NFXL1: variants seen among roughly 807,000 people sequenced by gnomAD.
The protein encoded by NFXL1 is nuclear transcription factor, X-box binding like 1, also known as NF-X1-type zinc finger protein NFXL1.
A neutral mutation model predicts 123.3 loss-of-function variants in NFXL1; 66 were observed. The ratio of observed to expected loss-of-function variants is 0.54; its 90% CI spans 0.44 to 0.66. The LOEUF (loss-of-function observed/expected upper bound fraction) is 0.66. Among genes scored for constraint, NFXL1 ranks in the 30% least tolerant of loss-of-function variants. The pLI, the probability that NFXL1 is intolerant of heterozygous loss-of-function variation, is 0.00. For missense variants in NFXL1, 944 were observed against 1,125.6 expected (o/e 0.84, Z 2.31); for synonymous variants, 346 against 360.8 (o/e 0.96, Z 0.46).
intron 18 of NFXL1, among the ~76,000 whole-genome samples, chr4:47,868,491 A>T (rs2110055172): frequency 6.6e-6 from 1 of 152,136 alleles, no homozygotes; most frequent in South Asian, 2.1e-4. Flanking sequence ...TTAAATGAGA[A>T]CCAGGTGATA....
intron 21 of NFXL1, 119 bp downstream of exon 21, chr4:47,851,737 G>T: frequency 1.6e-6 from 1 of 633,828 alleles, no homozygotes; most frequent in South Asian, 2.1e-5. Context: ...TATAAAACTA[G>T]GCTTTTATTA....
chr4:47,864,244 A>G (rs923706435), intron 18 of NFXL1, among the ~76,000 whole-genome samples: 2 of 152,124 alleles, frequency 1.3e-5, no homozygotes, highest in African/African-American at 4.8e-5. Flanking sequence ...TTACATCCAA[A>G]TTCTACAGAA....
At chr4:47,850,935 A>G in intron 22 of NFXL1, 160 bp downstream of exon 22, 1 of 577,842 alleles carries the variant, frequency 1.7e-6, no homozygotes, top group Admixed American at 3.1e-5. Flanking sequence ...GTATACTTAA[A>G]GTCAAGTTAG....
At chr4:47,905,057 T>G (rs1737502696) in intron 4 of NFXL1, among the ~76,000 whole-genome samples, 180 bp downstream of exon 4, 1 of 152,232 alleles carries the variant, frequency 6.6e-6, no homozygotes, top group Admixed American at 6.5e-5. Flanking sequence ...TGGATACTCA[T>G]TTAGTGGTAA....
chr4:47,890,929 T>C (rs976893221), intron 11 of NFXL1, among the ~76,000 whole-genome samples: 4 of 152,282 alleles, frequency 2.6e-5, no homozygotes, highest in African/African-American at 9.6e-5. Flanking sequence ...CAGTTAATTA[T>C]TCTATGATTC....
rs745663518 is a variant in NFXL1, at chr4:47,914,216, GA to G, written c.-2-12del. The G allele has an allele frequency of 0.18, 181,014 of 1,009,970 alleles. 126 individuals are homozygous for G. Among genetic ancestry groups the G allele is most frequent in the South Asian group, 0.22 (10,830 of 50,164 alleles). 62.6% of individuals were successfully genotyped at this position (1,009,970 alleles called of 1,614,324 possible). A position where few individuals can be genotyped will look rare whatever the true frequency, so the allele number is the denominator to read the frequency against. ...AGGAAGCTTCCATCCCTGCAAAGGA[GA>G]AAAAAAAAAAAAAGAGTGGAAGGAG... On this transcript the variant is annotated splice_polypyrimidine_tract_variant and intron_variant, in intron 1 of 22. Transcript: ENST00000507489.
chr4:47,887,797 A>C (rs544670904), intron 12 of NFXL1, among the ~76,000 whole-genome samples: 1 of 152,186 alleles, frequency 6.6e-6, no homozygotes, highest in Non-Finnish European at 1.5e-5. Context: ...CAATTTCTCT[A>C]AACAGTCTCC....
intron 20 of NFXL1, among the ~76,000 whole-genome samples, chr4:47,853,644 C>T (rs1387492609): frequency 6.6e-6 from 1 of 151,920 alleles, no homozygotes; most frequent in Non-Finnish European, 1.5e-5. Context: ...GTATTTTACA[C>T]AGGAAAAAAA....
chr4:47,875,395 T>A (rs1207861309), intron 17 of NFXL1, 102 bp from the exon 18 acceptor site: 2 of 757,824 alleles, frequency 2.6e-6, no homozygotes, highest in African/African-American at 3.5e-5. Context: ...AATAAAGTAC[T>A]TCTGCAGTTC....
At chr4:47,912,856 A>AG in intron 2 of NFXL1, among the ~76,000 whole-genome samples, 1 of 150,024 alleles carries the variant, frequency 6.7e-6, no homozygotes, top group Non-Finnish European at 1.5e-5. Context: ...AGAACAAAAA[A>AG]CAAAACATTA....
chr4:47,850,436 A>T (rs922828168), intron 22 of NFXL1, among the ~76,000 whole-genome samples: 1 of 152,092 alleles, frequency 6.6e-6, no homozygotes, highest in African/African-American at 2.4e-5. Flanking sequence ...ATACAATCTG[A>T]TAAGTATAAA....
At chr4:47,912,841 A>C (rs1339790863) in intron 2 of NFXL1, among the ~76,000 whole-genome samples, 15 of 148,852 alleles carry the variant, frequency 1.0e-4, no homozygotes, top group Non-Finnish European at 1.8e-4. Context: ...AAAAAAAAAA[A>C]CCAAAGAACA....
rs765154788 is a variant in NFXL1, at chr4:47,890,564, A to C, written c.1543+49T>G. On this transcript the variant is annotated intron_variant, in intron 12 of 22. Coordinates refer to ENST00000507489, the MANE Select transcript of NFXL1 (RefSeq NM_001278624.2). ...TTGAATATTGACAATGAAAAAAAAA[A>C]CCACTACATCACTACAAACATAAAA... is the stretch of plus-strand genomic sequence containing the variant. 1.6e-4 allele frequency: 160 copies of C among 993,122 alleles called. No individual in the cohort carries two copies. The African/African-American group carries it at 2.3e-3, about 14-fold the overall frequency. 61.5% of individuals were successfully genotyped at this position (993,122 alleles called of 1,614,324 possible). A position where few individuals can be genotyped will look rare whatever the true frequency, so the allele number is the denominator to read the frequency against.
At chr4:47,909,993 A>T (rs1461033711) in intron 3 of NFXL1, among the ~76,000 whole-genome samples, 5 of 152,156 alleles carry the variant, frequency 3.3e-5, no homozygotes, top group African/African-American at 4.8e-5. Context: ...AATAATTTTA[A>T]AGTATAAAAG....
chr4:47,889,434 T>A (rs1376855457), intron 12 of NFXL1, among the ~76,000 whole-genome samples: 1 of 152,174 alleles, frequency 6.6e-6, no homozygotes, highest in Non-Finnish European at 1.5e-5. Flanking sequence ...GAATGTAGTA[T>A]AATGGAAATA....
At chr4:47,910,093 C>G (rs1737751559) in intron 3 of NFXL1, among the ~76,000 whole-genome samples, 1 of 152,200 alleles carries the variant, frequency 6.6e-6, no homozygotes, top group Non-Finnish European at 1.5e-5. Flanking sequence ...TTGGCCCTCT[C>G]TCACATAAAC....
At chr4:47,871,459 T>A (rs1007469126) in intron 18 of NFXL1, among the ~76,000 whole-genome samples, 4 of 152,230 alleles carry the variant, frequency 2.6e-5, no homozygotes, top group Non-Finnish European at 5.9e-5. Flanking sequence ...GGTCAAGGGT[T>A]TCATTAATGA....
chr4:47,885,897 T>C lies in NFXL1; in HGVS notation c.1646A>G (p.Lys549Arg), dbSNP rs757811588. 1 of 1,614,038 alleles carries C rather than the reference T, an allele frequency of 6.2e-7. No individual in the cohort carries two copies. Residue 549 changes from lysine (K) to arginine (R), a missense_variant, in exon 13 of 23, where the codon AAG becomes AGG. Lys to Arg is a conservative substitution (Grantham distance 26, BLOSUM62 2). Around this residue, in one of 4 missense-constraint regions of NFXL1, gnomAD observed 296 missense variants for 395.1 expected, o/e 0.75. Transcript: ENST00000507489. ...AACTCACCTGCATTGCTCCTTGCACTTGGGTGGTCTTGTGGTACGTTCTCG... is the reference window on the plus strand; with the variant it reads ...AACTCACCTGCATTGCTCCTTGCACCTGGGTGGTCTTGTGGTACGTTCTCG... ...CGRERTTRPP[K>R]CKEQCSRPPT...
chr4:47,866,119 T>C (rs1735056904), intron 18 of NFXL1, among the ~76,000 whole-genome samples: 4 of 152,104 alleles, frequency 2.6e-5, no homozygotes, highest in East Asian at 1.9e-4. Flanking sequence ...AGGCAGACTT[T>C]AGACTTCAGA....
Sources: gnomAD v4.1 joint callset for allele counts (sites outside exome capture counted in the v4.1 genomes callset) on GRCh38, gnomAD v4.1.1 for gene constraint, gnomAD v4.1.1 regional missense constraint, MANE v1.5 for transcripts, NCBI Gene and HGNC (gene_info 2026-07-23, HGNC 2026-07-21) for gene names.